The following ZNF217 variants were observed in gnomAD, a reference collection of about 807,000 sequenced individuals.
The protein encoded by ZNF217 is zinc finger protein 217.
ZNF217 carries 12 observed loss-of-function variants against 73.3 expected under a neutral mutation model. The ratio of observed to expected loss-of-function variants is 0.16; its 90% CI spans 0.10 to 0.27. The LOEUF is 0.27. Ranked by LOEUF, ZNF217 falls within the 10% of genes least tolerant of loss-of-function variation. ZNF217 has a pLI of 1.00. For synonymous variants in ZNF217, 588 were observed against 516.4 expected, an observed-to-expected ratio of 1.14 and a Z score of -1.88; for missense variants, 1,195 against 1,327.8, an observed-to-expected ratio of 0.90 and a Z score of 1.55.
At chr20:53,587,538 G>GC (rs1197103045) in intron 1 of ZNF217, among the ~76,000 whole-genome samples, 10 of 152,230 alleles carry the variant, frequency 6.6e-5, no homozygotes, top group African/African-American at 2.4e-4. Flanking sequence ...TATGGAATAT[G>GC]CATCTACCAT....
At chr20:53,577,895 T>G (rs532532392) in intron 3 of ZNF217, among the ~76,000 whole-genome samples, 1 of 152,290 alleles carries the variant, frequency 6.6e-6, no homozygotes, top group Non-Finnish European at 1.5e-5. Flanking sequence ...GCGGATCACT[T>G]GAGGTCAGGA....
In ZNF217 at chr20:53,582,615, C is replaced by T. The variant is rs1568688361; in HGVS notation, c.212G>A (p.Ser71Asn). Residue 71 changes from serine (S) to asparagine (N), a missense_variant, in exon 2 of 6, where the codon AGC becomes AAC. Ser to Asn is a conservative substitution (Grantham distance 46). Transcript: ENST00000371471. This position sits in a 1 kb window ranked among gnomAD's most constrained non-coding sequence, Gnocchi z 4.8. ...GTCTTCTGAATGTGTGAAGGTCTGGCTGCAGAACATGCAATCCAAGGGCAT... is the reference window on the plus strand; with the variant it reads ...GTCTTCTGAATGTGTGAAGGTCTGGTTGCAGAACATGCAATCCAAGGGCAT... ...GYMPLDCMFC[S>N]QTFTHSEDLN... The T allele has an allele frequency of 6.2e-7, 1 of 1,614,178 alleles. No individual in the cohort carries two copies. Among genetic ancestry groups the T allele is most frequent in the East Asian group, 2.2e-5 (1 of 44,890 alleles).
chr20:53,573,843 G>T (rs1171525834), intron 4 of ZNF217, among the ~76,000 whole-genome samples: 1 of 152,178 alleles, frequency 6.6e-6, no homozygotes, highest in Admixed American at 6.5e-5. Flanking sequence ...GGCCAAGACA[G>T]GAGGATCACC....
chr20:53,592,667 G>T (rs1206741039), intron 1 of ZNF217, among the ~76,000 whole-genome samples: 2 of 151,816 alleles, frequency 1.3e-5, no homozygotes, highest in Non-Finnish European at 2.9e-5. Context: ...TGCCCCTCGG[G>T]CGGGACCGCC....
intron 3 of ZNF217, 84 bp from the exon 4 acceptor site, chr20:53,577,364 C>T (rs890199561): frequency 8.1e-7 from 1 of 1,235,626 alleles, no homozygotes; most frequent in African/African-American, 1.5e-5. Context: ...AGAAAACAGG[C>T]TTCTTTCCTC....
intron 1 of ZNF217, among the ~76,000 whole-genome samples, chr20:53,593,471 A>G (rs2145988233): frequency 7.5e-6 from 1 of 132,808 alleles, no homozygotes; most frequent in Non-Finnish European, 1.6e-5. Context: ...GCGGAGATTC[A>G]GGGAACCCCG....
At chr20:53,572,762 A>G (rs1054120224) in intron 4 of ZNF217, 1 of 152,180 alleles carries the variant, frequency 6.6e-6, no homozygotes, top group Non-Finnish European at 1.5e-5. Context: ...AAACCAGTAG[A>G]GCTTCTATGT....
rs955386088 is a variant in ZNF217, at chr20:53,569,248, C to T, written c.*40G>A. ...AATTTAATTTCATGGGGAGTAAGCA[C>T]TGACATCCACCAAGACCTAAGGAAA... On this transcript the variant is annotated 3_prime_UTR_variant, in exon 6 of 6. Transcript: ENST00000371471. 10 of 1,346,326 alleles carry T rather than the reference C, an allele frequency of 7.4e-6. No individual in the cohort carries two copies. Among genetic ancestry groups the T allele is most frequent in the Non-Finnish European group, 9.9e-6 (10 of 1,012,980 alleles). 83.4% of individuals were successfully genotyped at this position (1,346,326 alleles called of 1,614,324 possible).
rs140282485 is a variant in ZNF217 at position 53,581,519 on chromosome 20, T to C, written c.1308A>G (p.Arg436=). 6.2e-6 allele frequency: 10 copies of C among 1,614,040 alleles called. No individual in the cohort carries two copies. In the African/African-American group the frequency reaches 1.2e-4, roughly 19 times the overall value. ...ATCCGTCTTCAGAACCACCTTCCCC[T>C]CGATCCACGGCTCCATTTTCATCCA... ...APLDENGAVD[R]GEGGSEDGSE... Residue 436 remains arginine, a synonymous_variant, in exon 2 of 6, where the codon CGA becomes CGG. Coordinates refer to ENST00000371471, the MANE Select transcript of ZNF217 (RefSeq NM_006526.3). This position sits in a 1 kb window ranked among gnomAD's most constrained non-coding sequence, Gnocchi z 4.9.
rs757017756 is a variant in ZNF217, at chr20:53,583,126, A to T, written c.-300T>A. The T allele has an allele frequency of 7.2e-6, 3 of 414,698 alleles. No individual in the cohort carries two copies. The East Asian group carries it at 1.0e-4, about 14-fold the overall frequency. The allele number at this position is 414,698 out of a possible 1,614,324, so 25.7% of individuals were successfully genotyped here. ...ATTGAATGAGTGTTTCAATTGAGCA[A>T]GAAGTCAATCCCAGCAACCTGGAGA... On this transcript the variant is annotated 5_prime_UTR_variant, in exon 2 of 6. In the 5' UTR this introduces an upstream ATG that the reference lacks. Transcript: ENST00000371471.
rs1467770232 is a variant in ZNF217 at position 53,586,576 on chromosome 20, G to C, written c.-342-3408C>G. ...GCAAATGCCTTCAGCTCTTGACTTA[G>C]AAACTGCTAACACACTAGACAAAAC... On this transcript the variant is annotated intron_variant, in intron 1 of 5. Transcript: ENST00000371471. 1.1e-4 allele frequency among the ~76,000 whole-genome samples: 16 copies of C among 152,148 alleles called. 1 individual carries two copies. The highest frequency in any genetic ancestry group is 1.0e-3 in the Admixed American group (16 of 15,272).
intron 1 of ZNF217, 103 bp downstream of exon 1, chr20:53,593,653 G>C (rs1014785123): frequency 6.6e-6 from 1 of 151,448 alleles, no homozygotes; most frequent in African/African-American, 2.4e-5. Flanking sequence ...TCCTGGGGGG[G>C]GACAAGACAA....
chr20:53,571,677 C>A, intron 5 of ZNF217, 44 bp downstream of exon 5: 1 of 1,571,894 alleles, frequency 6.4e-7, no homozygotes, highest in Non-Finnish European at 8.6e-7. Context: ...AAATGGCCAC[C>A]GCACTCAGCC....
At chr20:53,597,653 C>T (rs1989064933), upstream of ZNF217, 1 of 151,622 alleles carries the variant, frequency 6.6e-6, no homozygotes, top group Non-Finnish European at 1.5e-5. Context: ...AAGGCAGGGT[C>T]TGGAACCTGA....
chr20:53,569,280 T>C lies in ZNF217; in HGVS notation c.*24-16A>G. Reference sequence around the variant, plus strand: ...CCACCAAGACCTAAGGAAAACAACATTTTTTAAATGATTAAGATCAAAACT... The same window carrying C: ...CCACCAAGACCTAAGGAAAACAACACTTTTTAAATGATTAAGATCAAAACT... On this transcript the variant is annotated splice_polypyrimidine_tract_variant and intron_variant, in intron 5 of 5. Coordinates refer to ENST00000371471, the MANE Select transcript of ZNF217 (RefSeq NM_006526.3). 4.6e-6 allele frequency: 6 copies of C among 1,291,368 alleles called. No homozygotes were observed. Among genetic ancestry groups the C allele is most frequent in the Non-Finnish European group, 6.1e-6 (6 of 990,672 alleles). The allele number at this position is 1,291,368 out of a possible 1,614,324, so 80.0% of individuals were successfully genotyped here. A position where few individuals can be genotyped will look rare whatever the true frequency, so the allele number is the denominator to read the frequency against.
chr20:53,582,728 C>T lies in ZNF217; in HGVS notation c.99G>A (p.Glu33=). 1 of 1,614,200 alleles carries T rather than the reference C, an allele frequency of 6.2e-7. No homozygotes were observed. Among genetic ancestry groups the T allele is most frequent in the Non-Finnish European group, 8.5e-7 (1 of 1,180,044 alleles). Residue 33 remains glutamate (E), a synonymous_variant, in exon 2 of 6, where the codon GAG becomes GAA. Coordinates refer to ENST00000371471, the MANE Select transcript of ZNF217 (RefSeq NM_006526.3). This position sits in a 1 kb window ranked among gnomAD's most constrained non-coding sequence, Gnocchi z 4.8. ...VIGSSLGSPM[E]MEDALSMKGT... Reference sequence around the variant, plus strand: ...CTTTCATTGACAAGGCATCCTCCATCTCCATCGGACTGCCAAGAGAGCTGC... The same window carrying T: ...CTTTCATTGACAAGGCATCCTCCATTTCCATCGGACTGCCAAGAGAGCTGC...
chr20:53,585,001 T>A (rs554905830), intron 1 of ZNF217, among the ~76,000 whole-genome samples: 70 of 146,236 alleles, frequency 4.8e-4, no homozygotes, highest in Middle Eastern at 3.6e-3. Flanking sequence ...GCTTATTTTT[T>A]AAAAAATCAA....
chr20:53,587,433 AT>A, intron 1 of ZNF217, among the ~76,000 whole-genome samples: 1 of 152,128 alleles, frequency 6.6e-6, no homozygotes. Context: ...ACTTGGGAAT[AT>A]TTTTCTTTAC....
At position 53,578,271 on chromosome 20, in the gene ZNF217, CAAA is replaced by C. The variant is rs1007822823; in HGVS notation, c.1483+60_1483+62del. 8.4e-6 allele frequency: 10 copies of C among 1,183,792 alleles called. No homozygotes were observed. In the African/African-American group the frequency reaches 1.4e-4, roughly 17 times the overall value. 73.3% of individuals were successfully genotyped at this position (1,183,792 alleles called of 1,614,324 possible). On this transcript the variant is annotated intron_variant, in intron 3 of 5. Transcript: ENST00000371471. ...TGGCAGAGTATCTGAACAACAACAACAAAAAAATTAGATAACTACATAATTTAA... is the reference window on the plus strand; with the variant it reads ...TGGCAGAGTATCTGAACAACAACAACAAAATTAGATAACTACATAATTTAA...
Sources: gnomAD v4.1 joint callset for allele counts (sites outside exome capture counted in the v4.1 genomes callset) on GRCh38, gnomAD v4.1.1 for gene constraint, Gnocchi (gnomAD v3.1) non-coding constraint, MANE v1.5 for transcripts, NCBI Gene and HGNC (gene_info 2026-07-23, HGNC 2026-07-21) for gene names.